CFAP58: variants seen among roughly 807,000 people sequenced by gnomAD.
CFAP58 encodes the protein cilia- and flagella-associated protein 58.
A neutral mutation model predicts 119.5 loss-of-function variants in CFAP58; 88 were observed. The ratio of observed to expected loss-of-function variants is 0.74; its 90% CI spans 0.62 to 0.88. The LOEUF is 0.88. Among genes scored for constraint, CFAP58 ranks in the 40% least tolerant of loss-of-function variants. The pLI, the probability that CFAP58 is intolerant of heterozygous loss-of-function variation, is 0.00. For synonymous variants in CFAP58, 365 were observed against 366.3 expected (o/e 1.00, Z 0.04); for missense variants, 990 against 1,021.2 (o/e 0.97, Z 0.42).
intron 6 of CFAP58, 135 bp from the exon 7 acceptor site, chr10:104,370,760 C>A: frequency 1.4e-6 from 1 of 704,412 alleles, no homozygotes; most frequent in Non-Finnish European, 2.2e-6. Flanking sequence ...ATTGTGTGTG[C>A]TTGATTTAAT....
At chr10:104,340,930 C>T in the CFAP58 span, among the ~76,000 whole-genome samples, 1 of 152,032 alleles carries the variant, frequency 6.6e-6, no homozygotes, top group Non-Finnish European at 1.5e-5. Flanking sequence ...CTCAGGGTCG[C>T]GGGAAGGAAA....
At chr10:104,428,273 C>A (rs1299751120) in intron 15 of CFAP58, among the ~76,000 whole-genome samples, 2 of 152,078 alleles carry the variant, frequency 1.3e-5, no homozygotes, top group African/African-American at 4.8e-5. Flanking sequence ...CACCGGTGCC[C>A]TGTGAGAGTC....
At chr10:104,395,861 G>T (rs2012142291) in intron 11 of CFAP58, among the ~76,000 whole-genome samples, 1 of 152,166 alleles carries the variant, frequency 6.6e-6, no homozygotes, top group Admixed American at 6.5e-5. Flanking sequence ...CCCTTGGACA[G>T]GACAATTCAA....
In CFAP58 at chr10:104,392,406, A is replaced by G. The variant is rs2012065774; in HGVS notation, c.1527+12A>G. 3 of 1,503,464 alleles carry G rather than the reference A, an allele frequency of 2.0e-6. No individual in the cohort carries two copies. The African/African-American group carries it at 4.3e-5, about 21-fold the overall frequency. The allele number at this position is 1,503,464 out of a possible 1,614,324, so 93.1% of individuals were successfully genotyped here. ...TGGTTGAGGCTCAGGTAAATAATAT[A>G]TTTATATCCTTACATTTTGATTTAT... is the stretch of plus-strand genomic sequence containing the variant. On this transcript the variant is annotated intron_variant, in intron 10 of 17. Coordinates refer to ENST00000369704, the MANE Select transcript of CFAP58 (RefSeq NM_001008723.2).
In CFAP58 at chr10:104,353,873, G is replaced by T; in HGVS notation, c.-25G>T. On this transcript the variant is annotated 5_prime_UTR_variant, in exon 1 of 18. Coordinates refer to ENST00000369704, the MANE Select transcript of CFAP58 (RefSeq NM_001008723.2). ...TCCTGCGATCTCCACAGCAGCCTCT[G>T]AGGCCGCCCCCAGAGAGCATCAGGA... is the stretch of plus-strand genomic sequence containing the variant. The T allele has an allele frequency of 5.6e-6, 9 of 1,611,796 alleles. No homozygotes were observed. The highest frequency in any genetic ancestry group is 7.6e-6 in the Non-Finnish European group (9 of 1,178,284).
intron 15 of CFAP58, 80 bp from the exon 16 acceptor site, chr10:104,447,618 G>T: frequency 2.6e-6 from 4 of 1,561,616 alleles, no homozygotes; most frequent in Non-Finnish European, 3.5e-6. Flanking sequence ...CTCCCAAATT[G>T]TGCTGGCCAT....
At position 104,420,108 on chromosome 10, in the gene CFAP58, A is replaced by G. The variant is rs530415199; in HGVS notation, c.2256+13315A>G. Among the ~76,000 whole-genome samples, 3 of 145,946 alleles carry G rather than the reference A, an allele frequency of 2.1e-5. No individual in the cohort carries two copies. In the South Asian group the frequency reaches 6.6e-4, roughly 32 times the overall value. ...TCTCCCTTAAGGGAGCAGACTTTTA[A>G]TATGCAGATGTTTGGGGCCTTTTTT... is the stretch of plus-strand genomic sequence containing the variant. On this transcript the variant is annotated intron_variant, in intron 15 of 17. Coordinates refer to ENST00000369704, the MANE Select transcript of CFAP58 (RefSeq NM_001008723.2).
intron 12 of CFAP58, 74 bp downstream of exon 12, chr10:104,399,574 C>A: frequency 6.7e-7 from 1 of 1,492,472 alleles, no homozygotes; most frequent in Non-Finnish European, 9.1e-7. Flanking sequence ...TTCGAAACTT[C>A]CTTCCTCTCT....
intron 7 of CFAP58, among the ~76,000 whole-genome samples, chr10:104,374,412 C>T (rs920612663): frequency 7.4e-6 from 1 of 134,472 alleles, no homozygotes; most frequent in Non-Finnish European, 1.5e-5. Context: ...AGTTGCACCA[C>T]TGCACTCCAG....
At chr10:104,351,164 G>C (rs976499668), upstream of CFAP58, among the ~76,000 whole-genome samples, 1 of 152,142 alleles carries the variant, frequency 6.6e-6, no homozygotes, top group African/African-American at 2.4e-5. Context: ...TTGGCTTACA[G>C]TGTGGTTCAG....
Position 104,387,576 on chromosome 10 carries a change from A to G in CFAP58, c.1366-4657A>G, listed in dbSNP as rs533583781. On this transcript the variant is annotated intron_variant, in intron 9 of 17. Transcript: ENST00000369704. Reference sequence around the variant, plus strand: ...AGATAATCTACCCCAGGATTACAGCAGTTTTTATCCTCATGATTTTCCTTT... The same window carrying G: ...AGATAATCTACCCCAGGATTACAGCGGTTTTTATCCTCATGATTTTCCTTT... Among the ~76,000 whole-genome samples, 26 of 152,338 alleles carry G rather than the reference A, an allele frequency of 1.7e-4. 1 individual carries two copies. In the South Asian group the frequency reaches 4.6e-3, roughly 27 times the overall value.
chr10:104,376,951 T>A (rs1232575905), intron 8 of CFAP58, 58 bp downstream of exon 8: 37 of 1,348,808 alleles, frequency 2.7e-5, no homozygotes, highest in Non-Finnish European at 3.6e-5. Flanking sequence ...CTGTAATATC[T>A]GGCTATAGCC....
intron 8 of CFAP58, 137 bp from the exon 9 acceptor site, chr10:104,379,892 C>A: frequency 1.3e-6 from 1 of 797,472 alleles, no homozygotes; most frequent in East Asian, 2.5e-5. Flanking sequence ...TCTTAATAAG[C>A]TGTAGAGAAT....
intron 6 of CFAP58, 52 bp downstream of exon 6, chr10:104,368,612 T>C (rs1184480593): frequency 6.2e-7 from 1 of 1,602,284 alleles, no homozygotes; most frequent in East Asian, 2.2e-5. Context: ...CTAACACAGG[T>C]TTGCCTTGGC....
Position 104,406,736 on chromosome 10 carries a change from G to A in CFAP58, c.2199G>A (p.Leu733=). 1.2e-6 allele frequency: 2 copies of A among 1,614,176 alleles called. No homozygotes were observed. Among genetic ancestry groups the A allele is most frequent in the Non-Finnish European group, 1.7e-6 (2 of 1,180,030 alleles). ...AYELIQKIHT[L]QKRLISKTEE... is the part of the protein sequence containing the mutation. ...AGCTGATACAGAAAATTCACACCCT[G>A]CAGAAGCGTCTCATCAGCAAGACTG... The change falls in exon 15 of 18, where the codon CTG becomes CTA. Residue 733 remains leucine, a synonymous_variant. Coordinates refer to ENST00000369704, the MANE Select transcript of CFAP58 (RefSeq NM_001008723.2).
intron 15 of CFAP58, among the ~76,000 whole-genome samples, chr10:104,413,902 A>C (rs897000201): frequency 6.6e-6 from 1 of 152,200 alleles, no homozygotes; most frequent in Non-Finnish European, 1.5e-5. Context: ...CATGATGAAC[A>C]CTCAGAGCTA....
At chr10:104,392,178 C>G in intron 9 of CFAP58, 55 bp from the exon 10 acceptor site, 1 of 1,496,046 alleles carries the variant, frequency 6.7e-7, no homozygotes, top group Non-Finnish European at 9.1e-7. Flanking sequence ...TTGTCCTGAA[C>G]CAATAAGCAC....
At chr10:104,417,449 G>T (rs1014452244) in intron 15 of CFAP58, among the ~76,000 whole-genome samples, 2 of 152,218 alleles carry the variant, frequency 1.3e-5, no homozygotes, top group African/African-American at 2.4e-5. Context: ...CTCTTAAACT[G>T]CAGGGACTGA....
chr10:104,379,972 A>T (rs1564885429), intron 8 of CFAP58, 57 bp from the exon 9 acceptor site: 3 of 1,473,316 alleles, frequency 2.0e-6, no homozygotes, highest in African/African-American at 2.8e-5. Context: ...GGGTAAACTT[A>T]ACCCCAAATC....
Sources: allele counts gnomAD v4.1 joint callset (sites outside exome capture counted in the v4.1 genomes callset), GRCh38; gene constraint gnomAD v4.1.1; transcripts MANE v1.5; gene names NCBI Gene and HGNC (gene_info 2026-07-23, HGNC 2026-07-21).